Variants in NAA60 observed in about 807,000 individuals in gnomAD.
NAA60 encodes the protein N-alpha-acetyltransferase 60, NatF catalytic subunit, also known as N-alpha-acetyltransferase 60.
A neutral mutation model predicts 26.1 loss-of-function variants in NAA60; 8 were observed. That is an observed-to-expected ratio of 0.31 (90% CI 0.18 to 0.55). NAA60 has a LOEUF of 0.55. NAA60 is among the 20% of genes least tolerant of loss of function. The pLI, the probability that NAA60 is intolerant of heterozygous loss-of-function variation, is 0.93. For missense variants in NAA60, 290 were observed against 311.3 expected (o/e 0.93, Z 0.51); for synonymous variants, 131 against 122.5 (o/e 1.07, Z -0.46).
intron 2 of NAA60, among the ~76,000 whole-genome samples, chr16:3,466,157 C>T (rs77529657): frequency 2.6e-4 from 40 of 152,318 alleles, no homozygotes; most frequent in Non-Finnish European, 4.3e-4. Flanking sequence ...GTGCCAGCAC[C>T]GGCAATTTGT....
At position 3,443,725 on chromosome 16, in the gene NAA60, G is replaced by C; in HGVS notation, c.-189G>C. 3 of 1,478,818 alleles carry C rather than the reference G, an allele frequency of 2.0e-6. No homozygotes were observed. The highest frequency in any genetic ancestry group is 2.4e-5 in the Admixed American group (1 of 42,214). The allele number at this position is 1,478,818 out of a possible 1,614,324, so 91.6% of individuals were successfully genotyped here. A position where few individuals can be genotyped will look rare whatever the true frequency, so the allele number is the denominator to read the frequency against. On this transcript the variant is annotated 5_prime_UTR_variant, in exon 1 of 8. Transcript: ENST00000407558. Reference sequence around the variant, plus strand: ...TCCTCCGTGAGCTCCGGGCCTGTTTGCCTGCTGAAGTAGAGTCTTAGGGTG... The same window carrying C: ...TCCTCCGTGAGCTCCGGGCCTGTTTCCCTGCTGAAGTAGAGTCTTAGGGTG...
At chr16:3,483,952 C>T (rs1229902876) in intron 6 of NAA60, among the ~76,000 whole-genome samples, 3 of 152,202 alleles carry the variant, frequency 2.0e-5, no homozygotes, top group African/African-American at 7.2e-5. Context: ...ACAGGATCCC[C>T]TGTCCTCCCA....
chr16:3,449,812 G>C (rs980730644), intron 2 of NAA60, among the ~76,000 whole-genome samples: 5 of 152,168 alleles, frequency 3.3e-5, no homozygotes, highest in African/African-American at 1.2e-4. Context: ...TAGTGAATAA[G>C]TCTCACGAGA....
At chr16:3,448,636 A>T (rs2034649808) in intron 2 of NAA60, 96 bp downstream of exon 2, 1 of 1,012,578 alleles carries the variant, frequency 9.9e-7, no homozygotes. Context: ...GTCAAGTATT[A>T]AATATTCTCT....
Position 3,443,924 on chromosome 16 carries a change from C to G in NAA60, c.-77+87C>G, listed in dbSNP as rs996884401. 2.1e-6 allele frequency: 3 copies of G among 1,455,962 alleles called. No individual in the cohort carries two copies. The Admixed American group carries it at 7.4e-5, about 36-fold the overall frequency. The allele number at this position is 1,455,962 out of a possible 1,614,324, so 90.2% of individuals were successfully genotyped here. ...TGAGAGGGCGGGGGTTCGGGCCTAG[C>G]CTGGGCTTGAGCTGTCCTTTGTGTC... On this transcript the variant is annotated intron_variant, in intron 1 of 7. Transcript: ENST00000407558.
At position 3,484,708 on chromosome 16, in the gene NAA60, C is replaced by T; in HGVS notation, c.582C>T (p.Ile194=). 1 of 1,592,432 alleles carries T rather than the reference C, an allele frequency of 6.3e-7. No individual in the cohort carries two copies. Among genetic ancestry groups the T allele is most frequent in the Non-Finnish European group, 8.5e-7 (1 of 1,170,520 alleles). Residue 194 remains isoleucine (I), a synonymous_variant, in exon 7 of 8, where the codon ATC becomes ATT. Transcript: ENST00000407558. The part of the protein sequence containing the change: ...GHPPWTILDY[I]QHLGSALASL... ...CTTAACAGAGCCCCACGGACTACAT[C>T]CAGCACCTGGGCTCTGCACTAGCCA...
intron 2 of NAA60, among the ~76,000 whole-genome samples, chr16:3,473,942 C>T (rs968581209): frequency 1.1e-4 from 17 of 152,106 alleles, no homozygotes; most frequent in African/African-American, 4.1e-4. Context: ...TCATGTTGGC[C>T]AGGCTGGTCT....
At chr16:3,463,386 A>G (rs545817333) in intron 2 of NAA60, among the ~76,000 whole-genome samples, 1 of 149,398 alleles carries the variant, frequency 6.7e-6, no homozygotes, top group Non-Finnish European at 1.5e-5. Flanking sequence ...CGTCTCTACA[A>G]AAAAAAAACA....
At chr16:3,482,955 G>A (rs1376761618) in intron 5 of NAA60, 3 of 471,346 alleles carry the variant, frequency 6.4e-6, no homozygotes, top group African/African-American at 3.9e-5. Flanking sequence ...GCGTGAACAC[G>A]CACGAGGAAG....
At chr16:3,458,105 C>G (rs1010087383) in intron 2 of NAA60, 50 of 985,210 alleles carry the variant, frequency 5.1e-5, no homozygotes, top group Non-Finnish European at 5.8e-5. Context: ...CCGCGCGGTC[C>G]CACTTCCCGG....
chr16:3,453,265 G>C (rs1001055625), intron 2 of NAA60, among the ~76,000 whole-genome samples: 35 of 152,048 alleles, frequency 2.3e-4, no homozygotes, highest in African/African-American at 8.0e-4. Context: ...GGGCATGGTG[G>C]CATGCACCTG....
chr16:3,443,968 C>T (rs1317007408), intron 1 of NAA60, 131 bp downstream of exon 1: 76 of 1,375,778 alleles, frequency 5.5e-5, no homozygotes, highest in Non-Finnish European at 6.4e-5. Context: ...ATGGTGGGGC[C>T]GTGGAACATG....
At chr16:3,479,648 G>A (rs750284656) in intron 4 of NAA60, 48 bp downstream of exon 4, 9 of 1,594,596 alleles carry the variant, frequency 5.6e-6, no homozygotes, top group South Asian at 1.1e-5. Context: ...GTCATTGGAC[G>A]GGCCAAGGGG....
chr16:3,443,891 A>G, intron 1 of NAA60, 54 bp downstream of exon 1: 1 of 1,496,706 alleles, frequency 6.7e-7, no homozygotes. Context: ...TGGCCAGAGC[A>G]AGGTGATTGA....
At chr16:3,447,723 G>C in intron 1 of NAA60, 1 of 727,822 alleles carries the variant, frequency 1.4e-6, no homozygotes, top group Non-Finnish European at 1.7e-6. Flanking sequence ...CTAGTCTCCA[G>C]TCTTATAAGG....
chr16:3,446,002 GTA>G (rs1242668566), intron 1 of NAA60, among the ~76,000 whole-genome samples: 6 of 152,126 alleles, frequency 3.9e-5, no homozygotes, highest in Non-Finnish European at 7.4e-5. Context: ...ATGCTTGACT[GTA>G]TACCCACTAT....
intron 4 of NAA60, among the ~76,000 whole-genome samples, chr16:3,481,276 G>A (rs899543732): frequency 2.0e-5 from 3 of 152,186 alleles, no homozygotes; most frequent in Non-Finnish European, 2.9e-5. Flanking sequence ...TTTTAGTGGA[G>A]ATGGGGTTTC....
intron 1 of NAA60, 157 bp downstream of exon 1, chr16:3,443,994 G>C: frequency 7.5e-7 from 1 of 1,337,056 alleles, no homozygotes; most frequent in Non-Finnish European, 9.7e-7. Flanking sequence ...GTATCTTTGT[G>C]TACGTTCACA....
chr16:3,470,320 C>T (rs1183034490), intron 2 of NAA60, among the ~76,000 whole-genome samples: 3 of 152,234 alleles, frequency 2.0e-5, no homozygotes. Flanking sequence ...AGGTACACCT[C>T]CCAGCCTGTA....
Sources: allele counts gnomAD v4.1 joint callset (sites outside exome capture counted in the v4.1 genomes callset), GRCh38; gene constraint gnomAD v4.1.1; transcripts MANE v1.5; gene names NCBI Gene and HGNC (gene_info 2026-07-23, HGNC 2026-07-21).